Variants in CCDC141 observed in about 807,000 individuals in gnomAD.
The protein encoded by CCDC141 is coiled-coil domain-containing protein 141.
CCDC141 carries 168 observed loss-of-function variants against 181.0 expected under a neutral mutation model. The observed-to-expected ratio is 0.93, with a 90% CI of 0.82 to 1.05. CCDC141 has a LOEUF of 1.05. Among genes scored for constraint, CCDC141 ranks in the 50% least tolerant of loss-of-function variants. The pLI is 0.00. For synonymous variants in CCDC141, 666 were observed against 642.3 expected (o/e 1.04, Z -0.56); for missense variants, 1,902 against 1,788.5 (o/e 1.06, Z -1.14).
intron 13 of CCDC141, 50 bp from the exon 14 acceptor site, chr2:178,871,602 G>T (rs759068572): frequency 6.3e-7 from 1 of 1,598,598 alleles, no homozygotes; most frequent in East Asian, 2.2e-5. Context: ...GACATCTCCA[G>T]CAAATTTGAT....
In CCDC141 at chr2:178,865,884, C is replaced by A. The variant is rs1414419666; in HGVS notation, c.2607G>T (p.Gln869His). 6.3e-7 allele frequency: 1 copy of A among 1,597,654 alleles called. No individual in the cohort carries two copies. Among genetic ancestry groups the A allele is most frequent in the Admixed American group, 1.7e-5 (1 of 57,584 alleles). ...HCSNVSAKNL[Q>H]QQLELLEEDS... is the part of the protein sequence containing the mutation. Reference sequence around the variant, plus strand: ...CCTCCTCAAGGAGCTCCAGCTGCTGCTGTAGGTTCTTTGCAGAAACATTAG... The same window carrying A: ...CCTCCTCAAGGAGCTCCAGCTGCTGATGTAGGTTCTTTGCAGAAACATTAG... The change falls in exon 17 of 24, where the codon CAG becomes CAT. Residue 869 changes from glutamine to histidine, a missense_variant. Coordinates refer to ENST00000443758, the MANE Select transcript of CCDC141 (RefSeq NM_173648.4).
intron 4 of CCDC141, among the ~76,000 whole-genome samples, chr2:178,967,498 T>A (rs1398856677): frequency 6.6e-6 from 1 of 152,170 alleles, no homozygotes; most frequent in Non-Finnish European, 1.5e-5. Context: ...CTAAGCTTCA[T>A]AAGCGAAGGA....
intron 2 of CCDC141, among the ~76,000 whole-genome samples, chr2:178,987,477 TTAAAC>T (rs1438033013): frequency 6.6e-6 from 1 of 152,024 alleles, no homozygotes; most frequent in Non-Finnish European, 1.5e-5. Flanking sequence ...TGGGAACTCA[TTAAAC>T]TAAAGAGCTT....
chr2:178,880,175 G>A (rs1328086039), intron 11 of CCDC141, among the ~76,000 whole-genome samples: 1 of 152,030 alleles, frequency 6.6e-6, no homozygotes, highest in Admixed American at 6.6e-5. Flanking sequence ...TTTTCCAACT[G>A]TTCAAAAAAG....
At chr2:179,019,599 CTT>C (rs1045069338) in intron 2 of CCDC141, among the ~76,000 whole-genome samples, 9 of 152,240 alleles carry the variant, frequency 5.9e-5, no homozygotes, top group African/African-American at 2.2e-4. Context: ...TTACTTCACA[CTT>C]TGCCTCATAT....
intron 22 of CCDC141, among the ~76,000 whole-genome samples, chr2:178,842,144 C>G (rs1684751565): frequency 6.6e-6 from 1 of 152,094 alleles, no homozygotes; most frequent in African/African-American, 2.4e-5. Flanking sequence ...ACAGACAGGG[C>G]ATATTTACAT....
At chr2:178,840,027 C>T (rs994719783) in intron 22 of CCDC141, among the ~76,000 whole-genome samples, 18 of 152,186 alleles carry the variant, frequency 1.2e-4, no homozygotes, top group African/African-American at 3.9e-4. Flanking sequence ...AGAATATCTT[C>T]CTATATGTAG....
At chr2:178,816,706 T>A in the CCDC141 span, among the ~76,000 whole-genome samples, 1 of 152,216 alleles carries the variant, frequency 6.6e-6, no homozygotes, top group Non-Finnish European at 1.5e-5. Context: ...AGCATTTGGC[T>A]TTGTCAGTGC....
At chr2:178,870,809 G>A (rs796262489) in intron 14 of CCDC141, among the ~76,000 whole-genome samples, 18 of 152,306 alleles carry the variant, frequency 1.2e-4, no homozygotes, top group African/African-American at 3.6e-4. Context: ...GAAGTATAAT[G>A]TGACTAGCAG....
At chr2:178,821,652 G>GA in the CCDC141 span, among the ~76,000 whole-genome samples, 2 of 152,120 alleles carry the variant, frequency 1.3e-5, no homozygotes, top group Non-Finnish European at 2.9e-5. Context: ...TTTTACACAT[G>GA]AAAAAATGCT....
At chr2:178,866,617 T>C (rs1305200295) in intron 16 of CCDC141, among the ~76,000 whole-genome samples, 1 of 152,266 alleles carries the variant, frequency 6.6e-6, no homozygotes, top group Non-Finnish European at 1.5e-5. Flanking sequence ...TTATTAATGT[T>C]ATACCTATTG....
At chr2:178,932,213 T>A (rs946717802) in intron 6 of CCDC141, among the ~76,000 whole-genome samples, 1 of 152,110 alleles carries the variant, frequency 6.6e-6, no homozygotes, top group Non-Finnish European at 1.5e-5. Context: ...AACTGTTATA[T>A]ACAACCACGT....
chr2:178,990,090 G>C (rs1366659616), intron 2 of CCDC141, among the ~76,000 whole-genome samples: 1 of 149,846 alleles, frequency 6.7e-6, no homozygotes, highest in Non-Finnish European at 1.5e-5. Context: ...AGTGAGCTGA[G>C]ATTGCACCGT....
chr2:179,011,067 A>C (rs1244681729), intron 2 of CCDC141, among the ~76,000 whole-genome samples: 1 of 152,058 alleles, frequency 6.6e-6, no homozygotes, highest in Non-Finnish European at 1.5e-5. Context: ...CTGAGGCAGG[A>C]GAATCACTTG....
intron 5 of CCDC141, among the ~76,000 whole-genome samples, chr2:178,958,061 C>T (rs146453242): frequency 2.0e-5 from 3 of 152,260 alleles, no homozygotes; most frequent in Non-Finnish European, 4.4e-5. Flanking sequence ...CCTGTATGAT[C>T]CTAACTATGA....
At chr2:178,878,448 A>G (rs13400143) in intron 11 of CCDC141, among the ~76,000 whole-genome samples, 3,318 of 149,140 alleles carry the variant, frequency 0.022, 131 homozygotes, top group African/African-American at 0.077. Context: ...AAAACTGCAG[A>G]CTATAGGCAC....
At chr2:178,995,418 A>C (rs181593750) in intron 2 of CCDC141, among the ~76,000 whole-genome samples, 120 of 152,268 alleles carry the variant, frequency 7.9e-4, no homozygotes, top group Non-Finnish European at 1.3e-3. Context: ...TGCTCCCATG[A>C]TTCAATTATC....
chr2:179,015,091 T>TATATATATATATATA (rs2042407373), intron 2 of CCDC141, among the ~76,000 whole-genome samples: 9 of 42,032 alleles, frequency 2.1e-4, no homozygotes, highest in African/African-American at 6.0e-4. Context: ...TATATATATA[T>TATATATATATATATA]ATATATATAT....
chr2:178,818,304 A>G, the CCDC141 span, among the ~76,000 whole-genome samples: 1 of 152,306 alleles, frequency 6.6e-6, no homozygotes, highest in East Asian at 1.9e-4. Flanking sequence ...GTTCCAGGAT[A>G]CATGTGCAGG....
Sources: gnomAD v4.1 joint callset for allele counts (sites outside exome capture counted in the v4.1 genomes callset) on GRCh38, gnomAD v4.1.1 for gene constraint, MANE v1.5 for transcripts, NCBI Gene and HGNC (gene_info 2026-07-23, HGNC 2026-07-21) for gene names.